ZNF532: variants seen among roughly 807,000 people sequenced by gnomAD.
ZNF532 encodes zinc finger protein 532.
A neutral mutation model predicts 89.3 loss-of-function variants in ZNF532; 22 were observed. The observed-to-expected ratio is 0.25, with a 90% confidence interval of 0.18 to 0.35. The LOEUF (loss-of-function observed/expected upper bound fraction) is 0.35. ZNF532 is among the 10% of genes least tolerant of loss of function. ZNF532 has a pLI of 1.00. For missense variants in ZNF532, 1,132 were observed against 1,643.4 expected (o/e 0.69, Z 5.38); for synonymous variants, 606 against 649.6 (o/e 0.93, Z 1.02).
intron 7 of ZNF532, among the ~76,000 whole-genome samples, chr18:58,955,926 T>G (rs913813187): frequency 6.6e-6 from 1 of 152,178 alleles, no homozygotes; most frequent in Non-Finnish European, 1.5e-5. Flanking sequence ...CTAGGGAGTC[T>G]TCACTTGGCA....
intron 2 of ZNF532, among the ~76,000 whole-genome samples, chr18:58,890,998 G>A (rs753688889): frequency 8.6e-5 from 13 of 151,902 alleles, no homozygotes; most frequent in East Asian, 5.8e-4. Context: ...GCATGCCACC[G>A]TATCGGGCTA....
chr18:58,964,980 AATAC>A (rs1472786674), intron 7 of ZNF532, among the ~76,000 whole-genome samples: 1 of 149,022 alleles, frequency 6.7e-6, no homozygotes, highest in East Asian at 1.9e-4. Flanking sequence ...GATCATATAT[AATAC>A]ATATTTCTTA....
chr18:58,882,893 T>C (rs1298835844), intron 2 of ZNF532, among the ~76,000 whole-genome samples: 2 of 152,228 alleles, frequency 1.3e-5, no homozygotes, highest in African/African-American at 4.8e-5. Flanking sequence ...ATGTTAGCTC[T>C]GGAAAGTTCT....
At chr18:58,891,211 G>T (rs903546657) in intron 2 of ZNF532, among the ~76,000 whole-genome samples, 1 of 152,004 alleles carries the variant, frequency 6.6e-6, no homozygotes, top group Non-Finnish European at 1.5e-5. Context: ...GAGCCACTGC[G>T]CCCGGCCTCT....
intron 3 of ZNF532, among the ~76,000 whole-genome samples, chr18:58,933,496 C>G (rs2062125525): frequency 6.6e-6 from 1 of 152,150 alleles, no homozygotes; most frequent in South Asian, 2.1e-4. Flanking sequence ...GGCTTTAATA[C>G]AAATTGTACA....
chr18:58,905,200 C>T (rs4940775), intron 2 of ZNF532, among the ~76,000 whole-genome samples: 12,722 of 152,038 alleles, frequency 0.084, 1,016 homozygotes, highest in East Asian at 0.39. Flanking sequence ...TTTGATTAGT[C>T]GCTGACCTTG....
intron 7 of ZNF532, among the ~76,000 whole-genome samples, chr18:58,957,406 C>CATATATATATATATATAT (rs58182199): frequency 4.0e-4 from 55 of 138,874 alleles, no homozygotes; most frequent in South Asian, 1.2e-3. Flanking sequence ...ACTTAAAATA[C>CATATATATATATATATAT]ATATATATAT....
intron 5 of ZNF532, chr18:58,939,838 C>T (rs779491153): frequency 2.6e-6 from 1 of 384,200 alleles, no homozygotes; most frequent in Non-Finnish European, 4.6e-6. Context: ...ATTATTTATG[C>T]TCTTGTCACG....
rs376931074 is a variant in ZNF532 at position 58,919,110 on chromosome 18, G to A, written c.823G>A (p.Ala275Thr). ...SKLSSCIAAI[A>T]ALSAKKAASD... Reference sequence around the variant, plus strand: ...GCTCTCGTCCTGCATCGCTGCCATCGCGGCTCTCAGCGCTAAAAAGGCGGC... The same window carrying A: ...GCTCTCGTCCTGCATCGCTGCCATCACGGCTCTCAGCGCTAAAAAGGCGGC... The change falls in exon 3 of 10, where the codon GCG becomes ACG. Residue 275 changes from alanine to threonine, a missense_variant. Coordinates refer to ENST00000591808, the MANE Select transcript of ZNF532 (RefSeq NM_001375912.1). The surrounding 1 kb of genome is among the most constrained non-coding windows in gnomAD (Gnocchi z 6.1). 2.8e-5 allele frequency: 45 copies of A among 1,614,050 alleles called. No individual in the cohort carries two copies. Among genetic ancestry groups the A allele is most frequent in the South Asian group, 4.4e-5 (4 of 91,086 alleles).
intron 2 of ZNF532, among the ~76,000 whole-genome samples, chr18:58,868,929 A>G (rs1279704464): frequency 6.6e-6 from 1 of 152,220 alleles, no homozygotes; most frequent in Non-Finnish European, 1.5e-5. Context: ...CTATATACCT[A>G]GGCTATATGG....
At chr18:58,922,612 T>G (rs1356837639) in intron 3 of ZNF532, among the ~76,000 whole-genome samples, 7 of 152,206 alleles carry the variant, frequency 4.6e-5, no homozygotes. Flanking sequence ...TGACACCGCT[T>G]CATCAAAGGA....
At chr18:58,968,928 G>C (rs550914629) in intron 7 of ZNF532, among the ~76,000 whole-genome samples, 1 of 152,322 alleles carries the variant, frequency 6.6e-6, no homozygotes, top group East Asian at 1.9e-4. Context: ...GATTCCGTCT[G>C]TAAATTGACA....
intron 5 of ZNF532, among the ~76,000 whole-genome samples, chr18:58,945,735 T>A (rs8091870): frequency 0.59 from 88,103 of 148,350 alleles, 26,576 homozygotes; most frequent in African/African-American, 0.71. Flanking sequence ...TTATTTATTT[T>A]TTTTTTTTTT....
chr18:58,940,345 A>AT (rs1190013749), intron 5 of ZNF532: 8 of 152,218 alleles, frequency 5.3e-5, no homozygotes, highest in Non-Finnish European at 4.4e-5. Context: ...TGGTTACTGA[A>AT]TTTAACTTCA....
rs918270079 is a variant in ZNF532 at position 58,984,888 on chromosome 18, A to G, written c.*422A>G. On this transcript the variant is annotated 3_prime_UTR_variant, in exon 10 of 10. Coordinates refer to ENST00000591808, the MANE Select transcript of ZNF532 (RefSeq NM_001375912.1). ...TACAGGCTAAAATAATGCCTTTTTT[A>G]GTGTTTTTAATTTTTAGAATTCACT... is the stretch of plus-strand genomic sequence containing the variant. 1 of 160,626 alleles carries G rather than the reference A, an allele frequency of 6.2e-6. No individual in the cohort carries two copies. The highest frequency in any genetic ancestry group is 2.4e-5 in the African/African-American group (1 of 41,488). The allele number at this position is 160,626 out of a possible 1,614,324, so 10.0% of individuals were successfully genotyped here.
intron 4 of ZNF532, among the ~76,000 whole-genome samples, chr18:58,938,266 T>G (rs1439988142): frequency 6.6e-6 from 1 of 152,144 alleles, no homozygotes; most frequent in Non-Finnish European, 1.5e-5. Context: ...CTGGAGACTT[T>G]TGTACCTGCA....
chr18:58,890,691 T>C, intron 2 of ZNF532, among the ~76,000 whole-genome samples: 1 of 151,758 alleles, frequency 6.6e-6, no homozygotes, highest in Admixed American at 6.6e-5. Context: ...GTAATATGAC[T>C]GTATGCCCAG....
chr18:58,911,051 G>T (rs906456943), intron 2 of ZNF532, among the ~76,000 whole-genome samples: 2 of 152,172 alleles, frequency 1.3e-5, no homozygotes, highest in Non-Finnish European at 2.9e-5. Flanking sequence ...GCCCTGCCTG[G>T]ATTTCAATGG....
intron 2 of ZNF532, among the ~76,000 whole-genome samples, chr18:58,882,029 C>G (rs1336707101): frequency 1.3e-5 from 2 of 152,110 alleles, no homozygotes; most frequent in Non-Finnish European, 2.9e-5. Flanking sequence ...GCAATCTCAG[C>G]TTACTGCAAC....
Sources: gnomAD v4.1 joint callset for allele counts (sites outside exome capture counted in the v4.1 genomes callset) on GRCh38, gnomAD v4.1.1 for gene constraint, Gnocchi (gnomAD v3.1) non-coding constraint, MANE v1.5 for transcripts, NCBI Gene and HGNC (gene_info 2026-07-23, HGNC 2026-07-21) for gene names.